The following ZNF232 variants were observed in gnomAD, a reference collection of about 807,000 sequenced individuals.
ZNF232 encodes the protein zinc finger protein 232, also known as zinc finger and SCAN domain-containing protein 11.
ZNF232 carries 25 observed loss-of-function variants against 25.2 expected under a neutral mutation model. The ratio of observed to expected loss-of-function variants is 0.99; its 90% CI spans 0.72 to 1.39. ZNF232 has a LOEUF of 1.39. Among genes scored for constraint, ZNF232 ranks in the 40% most tolerant of loss-of-function variants. ZNF232 has a pLI of 0.00. For missense variants in ZNF232, 519 were observed against 520.9 expected (o/e 1.00, Z 0.04); for synonymous variants, 193 against 182.9 (o/e 1.06, Z -0.45).
At chr17:5,107,361 C>T (rs1349540471) in intron 3 of ZNF232, among the ~76,000 whole-genome samples, 1 of 122,788 alleles carries the variant, frequency 8.1e-6, no homozygotes, top group Non-Finnish European at 1.6e-5. Context: ...GCACTCCAGC[C>T]TGGGCGACAG....
intron 1 of ZNF232, among the ~76,000 whole-genome samples, chr17:5,122,134 G>T: frequency 6.6e-6 from 1 of 151,968 alleles, no homozygotes; most frequent in East Asian, 1.9e-4. Context: ...GCGGGGTGGA[G>T]GGTGGGTCGG....
chr17:5,111,182 AGGCCACCTGGGG>A (rs1178587063), intron 1 of ZNF232: 2 of 152,326 alleles, frequency 1.3e-5, no homozygotes, highest in African/African-American at 4.8e-5. Context: ...AGGGTGAGGG[AGGCCACCTGGGG>A]GCATATGTTG....
upstream of ZNF232, chr17:5,112,190 A>C (rs1462052558): frequency 8.8e-6 from 3 of 341,484 alleles, no homozygotes; most frequent in African/African-American, 6.5e-5. Context: ...GCTGGCGGAC[A>C]GATGTCAGGG....
intron 3 of ZNF232, 39 bp downstream of exon 3, chr17:5,108,886 CT>C (rs2072325363): frequency 1.9e-6 from 3 of 1,613,016 alleles, no homozygotes; most frequent in Admixed American, 1.7e-5. Flanking sequence ...TTTATAGTCC[CT>C]CTTTCTCCTC....
intron 1 of ZNF232, among the ~76,000 whole-genome samples, chr17:5,116,974 C>T (rs1377154328): frequency 1.3e-5 from 2 of 152,186 alleles, no homozygotes; most frequent in Admixed American, 6.5e-5. Flanking sequence ...TGCCTACATT[C>T]TTGGGGAACT....
At chr17:5,106,098 G>C (rs1242012355) in exon 4 of ZNF232, 4 of 1,614,058 alleles carry the variant, frequency 2.5e-6, no homozygotes, top group African/African-American at 1.3e-5. Context: ...TTTCTCTCCT[G>C]TATGAATTCT....
chr17:5,108,237 AC>A (rs1298488377), intron 3 of ZNF232, among the ~76,000 whole-genome samples: 1 of 152,234 alleles, frequency 6.6e-6, no homozygotes, highest in Non-Finnish European at 1.5e-5. Context: ...TATTCACAAT[AC>A]GGTCACAAGG....
At chr17:5,109,912 C>G in intron 1 of ZNF232, 44 bp from the exon 2 acceptor site, 1 of 1,513,612 alleles carries the variant, frequency 6.6e-7, no homozygotes. Flanking sequence ...TTTTTTAAGA[C>G]AGAGTCTTTC....
At chr17:5,112,744 A>AT (rs1244638631), upstream of ZNF232, among the ~76,000 whole-genome samples, 9 of 150,534 alleles carry the variant, frequency 6.0e-5, no homozygotes, top group Non-Finnish European at 1.0e-4. Flanking sequence ...CCGGCCGATT[A>AT]TTTTTTATTT....
chr17:5,108,457 G>A (rs2072315478), intron 3 of ZNF232, among the ~76,000 whole-genome samples: 1 of 152,020 alleles, frequency 6.6e-6, no homozygotes, highest in Admixed American at 6.5e-5. Flanking sequence ...GGTGATGACA[G>A]GCTGTATCTC....
chr17:5,111,902 C>T, upstream of ZNF232: 1 of 1,580,616 alleles, frequency 6.3e-7, no homozygotes, highest in Non-Finnish European at 8.6e-7. Context: ...GCAGCCTCGG[C>T]CTCCAACTCC....
upstream of ZNF232, chr17:5,112,148 G>A: frequency 2.2e-6 from 1 of 455,276 alleles, no homozygotes. Context: ...AAGTTTGGGG[G>A]GTCTCTTGTG....
At chr17:5,121,417 C>T in intron 1 of ZNF232, 1 of 322,402 alleles carries the variant, frequency 3.1e-6, no homozygotes, top group Non-Finnish European at 6.0e-6. Context: ...CACAGAGGCC[C>T]TGCAGAGCGG....
intron 1 of ZNF232, 35 bp downstream of exon 1, chr17:5,111,762 GCCA>G: frequency 1.9e-6 from 3 of 1,613,456 alleles, no homozygotes; most frequent in Non-Finnish European, 2.5e-6. Context: ...AAGCCAAGCC[GCCA>G]GGTGGACCTC....
chr17:5,113,519 A>C (rs1332120259), upstream of ZNF232: 10 of 152,380 alleles, frequency 6.6e-5, no homozygotes, highest in Admixed American at 2.6e-4. Flanking sequence ...CACAACTTCT[A>C]CTTTTACATG....
chr17:5,107,452 T>C (rs980578084), intron 3 of ZNF232, among the ~76,000 whole-genome samples: 2 of 144,214 alleles, frequency 1.4e-5, no homozygotes, highest in Non-Finnish European at 3.0e-5. Context: ...TAAATGTCCA[T>C]AGCACATTTT....
intron 1 of ZNF232, among the ~76,000 whole-genome samples, chr17:5,119,678 T>G (rs1164755174): frequency 6.6e-6 from 1 of 152,210 alleles, no homozygotes; most frequent in African/African-American, 2.4e-5. Context: ...AACTAACTAA[T>G]GAGTAACTCA....
exon 2 of ZNF232, chr17:5,109,686 C>A: frequency 3.2e-5 from 51 of 1,614,152 alleles, no homozygotes; most frequent in Non-Finnish European, 4.3e-5. Context: ...AGAGTGGTTC[C>A]CAGGTAGCCT....
intron 1 of ZNF232, among the ~76,000 whole-genome samples, chr17:5,121,019 T>G (rs1475373417): frequency 6.6e-6 from 1 of 152,176 alleles, no homozygotes; most frequent in Non-Finnish European, 1.5e-5. Context: ...ACAAGTCTGG[T>G]CTTGGGTTTC....
Sources: allele counts gnomAD v4.1 joint callset (sites outside exome capture counted in the v4.1 genomes callset), GRCh38; gene constraint gnomAD v4.1.1; transcripts MANE v1.5; gene names NCBI Gene and HGNC (gene_info 2026-07-23, HGNC 2026-07-21).